Variants in ARK2N observed in about 807,000 individuals in gnomAD.
The protein encoded by ARK2N is protein ARK2N.
chr18:46,253,911 A>C, the ARK2N span: 1 of 1,416,024 alleles, frequency 7.1e-7, no homozygotes, highest in Non-Finnish European at 9.5e-7. Flanking sequence ...GGTAGACTTT[A>C]TGGCATAGCT....
At chr18:46,217,968 G>A in the ARK2N span, 2 of 152,062 alleles carry the variant, frequency 1.3e-5, no homozygotes, top group Admixed American at 6.6e-5. Context: ...ATTAATACCT[G>A]TAAAATTGTG....
the ARK2N span, among the ~76,000 whole-genome samples, chr18:46,234,554 C>CT: frequency 0.037 from 5,459 of 147,510 alleles, 255 homozygotes; most frequent in African/African-American, 0.12. Flanking sequence ...AATAAAACTG[C>CT]TTTTTTTTTT....
chr18:46,237,407 A>T, the ARK2N span, among the ~76,000 whole-genome samples: 113 of 97,158 alleles, frequency 1.2e-3, no homozygotes, highest in African/African-American at 3.5e-3. Context: ...TTTTTTTTTG[A>T]GGCAGAGCCT....
the ARK2N span, among the ~76,000 whole-genome samples, chr18:46,248,335 T>C: frequency 3.3e-5 from 5 of 152,176 alleles, no homozygotes; most frequent in African/African-American, 1.2e-4. Context: ...TATTTTACCA[T>C]GGAGTTGGCA....
the ARK2N span, among the ~76,000 whole-genome samples, chr18:46,247,728 A>G: frequency 6.6e-6 from 1 of 152,236 alleles, no homozygotes; most frequent in African/African-American, 2.4e-5. Context: ...GCTGGAGTGC[A>G]GTGGTATAAT....
At chr18:46,252,425 C>T in the ARK2N span, among the ~76,000 whole-genome samples, 2 of 151,916 alleles carry the variant, frequency 1.3e-5, no homozygotes, top group Admixed American at 6.6e-5. Flanking sequence ...TACAGGCATG[C>T]CACCATGCCC....
the ARK2N span, among the ~76,000 whole-genome samples, chr18:46,179,871 C>T: frequency 6.6e-6 from 1 of 152,076 alleles, no homozygotes. Flanking sequence ...GTAATCTGCC[C>T]GCCTTGGCCT....
chr18:46,246,768 C>T, the ARK2N span, among the ~76,000 whole-genome samples: 1 of 144,100 alleles, frequency 6.9e-6, no homozygotes, highest in Non-Finnish European at 1.5e-5. Flanking sequence ...CATGGCCAAA[C>T]CCCGTCTCTA....
chr18:46,217,525 A>G, the ARK2N span: 2 of 152,164 alleles, frequency 1.3e-5, no homozygotes, highest in Non-Finnish European at 2.9e-5. Context: ...ATGGGTGACT[A>G]TGTTTTTTCT....
the ARK2N span, chr18:46,219,009 A>G: frequency 6.6e-6 from 1 of 152,258 alleles, no homozygotes; most frequent in East Asian, 1.9e-4. Flanking sequence ...GTTTGGGCTC[A>G]GCTTAAAAGT....
chr18:46,207,388 CTTT>C, the ARK2N span, among the ~76,000 whole-genome samples: 266 of 115,902 alleles, frequency 2.3e-3, 2 homozygotes, highest in Middle Eastern at 0.033. Context: ...AGTTTCTATA[CTTT>C]TTTTTTTTTT....
the ARK2N span, among the ~76,000 whole-genome samples, chr18:46,179,917 G>A: frequency 5.9e-5 from 9 of 152,192 alleles, no homozygotes; most frequent in African/African-American, 1.2e-4. Context: ...GAGCCACTGC[G>A]CCCGGCCTAA....
chr18:46,215,293 TGG>T, the ARK2N span, among the ~76,000 whole-genome samples: 1 of 152,334 alleles, frequency 6.6e-6, no homozygotes, highest in African/African-American at 2.4e-5. Context: ...CACTCCAGCC[TGG>T]GTGGCAGAGT....
the ARK2N span, among the ~76,000 whole-genome samples, chr18:46,200,874 C>T: frequency 3.3e-5 from 5 of 152,056 alleles, no homozygotes; most frequent in Non-Finnish European, 7.4e-5. Flanking sequence ...ATGCTAACTA[C>T]ACACAAATAA....
chr18:46,226,312 T>C, the ARK2N span, among the ~76,000 whole-genome samples: 1 of 152,200 alleles, frequency 6.6e-6, no homozygotes, highest in Admixed American at 6.5e-5. Context: ...TTCATTGATA[T>C]GGAGATGGAT....
At chr18:46,184,392 G>C in the ARK2N span, among the ~76,000 whole-genome samples, 3 of 152,048 alleles carry the variant, frequency 2.0e-5, no homozygotes, top group Non-Finnish European at 4.4e-5. Flanking sequence ...AAAGTGCTGG[G>C]ATGACAGGCG....
the ARK2N span, among the ~76,000 whole-genome samples, chr18:46,262,330 C>T: frequency 2.6e-5 from 4 of 152,148 alleles, no homozygotes; most frequent in Admixed American, 6.5e-5. Flanking sequence ...GTTACTTTCA[C>T]GGAACCAAAT....
the ARK2N span, among the ~76,000 whole-genome samples, chr18:46,251,302 G>A: frequency 6.6e-6 from 1 of 152,154 alleles, no homozygotes; most frequent in African/African-American, 2.4e-5. Flanking sequence ...CAAGGTATTG[G>A]GGATCAGAGC....
At chr18:46,245,139 C>T in the ARK2N span, among the ~76,000 whole-genome samples, 1 of 151,792 alleles carries the variant, frequency 6.6e-6, no homozygotes, top group South Asian at 2.1e-4. Flanking sequence ...ACCATGATGG[C>T]CAGGCTGGTC....
Sources: allele counts gnomAD v4.1 joint callset (sites outside exome capture counted in the v4.1 genomes callset), GRCh38; gene constraint gnomAD v4.1.1; transcripts MANE v1.5; gene names NCBI Gene and HGNC (gene_info 2026-07-23, HGNC 2026-07-21).